MYH8: variants seen among roughly 807,000 people sequenced by gnomAD.
The protein encoded by MYH8 is myosin-8.
In MYH8, 168 loss-of-function variants were observed where a neutral mutation model predicts 233.2. The observed-to-expected ratio is 0.72, with a 90% CI of 0.64 to 0.82. The LOEUF is 0.82. Among genes scored for constraint, MYH8 ranks in the 40% least tolerant of loss-of-function variants. The pLI is 0.00. For missense variants in MYH8, 1,995 were observed against 2,327.8 expected, an observed-to-expected ratio of 0.86 and a Z score of 2.94; for synonymous variants, 785 against 850.6, an observed-to-expected ratio of 0.92 and a Z score of 1.34.
rs769755030 is a variant in MYH8, at chr17:10,412,626, C to A, written c.1250G>T (p.Gly417Val). Residue 417 changes from glycine (G) to valine (V), a missense_variant, in exon 13 of 40, where the codon GGC (glycine) becomes GTC (valine). Coordinates refer to ENST00000403437, the MANE Select transcript of MYH8 (RefSeq NM_002472.3). ...TGCACTTACCTGCTGCACAGTCTGG[C>A]CTTTGGTGACATACTCATTGCCAAC... ...VKVGNEYVTKGQTVQQVYNAV... is the reference protein window; with the variant it reads ...VKVGNEYVTKVQTVQQVYNAV... 2.5e-6 allele frequency: 4 copies of A among 1,614,214 alleles called. No homozygotes were observed. Among genetic ancestry groups the A allele is most frequent in the Admixed American group, 1.7e-5 (1 of 60,028 alleles).
chr17:10,402,629 A>ACG (rs1555556297), intron 22 of MYH8, among the ~76,000 whole-genome samples: 1 of 149,254 alleles, frequency 6.7e-6, no homozygotes, highest in African/African-American at 2.4e-5. Context: ...GCACATGTGC[A>ACG]CGCACACACA....
chr17:10,409,487 A>C lies in MYH8; in HGVS notation c.1689T>G (p.Ser563=), dbSNP rs761282653. 1.2e-6 allele frequency: 2 copies of C among 1,614,242 alleles called. No individual in the cohort carries two copies. The highest frequency in any genetic ancestry group is 1.1e-5 in the South Asian group (1 of 91,086). Residue 563 remains serine, a synonymous_variant, in exon 16 of 40, where the codon TCT becomes TCG. Transcript: ENST00000403437. ...CCACCTTGGGCTTCTGGAAGTTGGCAGACTTGCCCAGGTGCTGGTCATACA... is the reference window on the plus strand; with the variant it reads ...CCACCTTGGGCTTCTGGAAGTTGGCCGACTTGCCCAGGTGCTGGTCATACA... The part of the protein sequence containing the change: ...NKLYDQHLGK[S]ANFQKPKVVK...
rs368960642 is a variant in MYH8 at position 10,393,225 on chromosome 17, C to G, written c.5167-15G>C. On this transcript the variant is annotated splice_polypyrimidine_tract_variant and intron_variant, in intron 35 of 39. Coordinates refer to ENST00000403437, the MANE Select transcript of MYH8 (RefSeq NM_002472.3). ...AGACTGGTATTCTGTTAAAAGTAGT[C>G]GTGGAAATTTACAAAATTTGCAGTT... 1 of 1,614,034 alleles carries G rather than the reference C, an allele frequency of 6.2e-7. No individual in the cohort carries two copies. The highest frequency in any genetic ancestry group is 1.7e-5 in the Admixed American group (1 of 60,018).
chr17:10,413,760 G>A (rs2072265061), intron 12 of MYH8, 142 bp downstream of exon 12: 1 of 1,221,168 alleles, frequency 8.2e-7, no homozygotes, highest in Admixed American at 1.8e-5. Context: ...GAGAGGGGGT[G>A]AGGAAAGCAT....
intron 17 of MYH8, among the ~76,000 whole-genome samples, chr17:10,407,368 A>G (rs1454070755): frequency 6.6e-6 from 1 of 152,192 alleles, no homozygotes; most frequent in Non-Finnish European, 1.5e-5. Flanking sequence ...ATCTGAGAAT[A>G]GTTGAGATTG....
chr17:10,408,694 T>C (rs1341707949), intron 17 of MYH8, among the ~76,000 whole-genome samples: 1 of 152,186 alleles, frequency 6.6e-6, no homozygotes, highest in Non-Finnish European at 1.5e-5. Context: ...AAAGATATGT[T>C]TTGGTGAAAG....
At chr17:10,418,825 A>G in intron 4 of MYH8, 24 bp from the exon 5 acceptor site, 1 of 1,613,868 alleles carries the variant, frequency 6.2e-7, no homozygotes, top group Non-Finnish European at 8.5e-7. Flanking sequence ...AACATTTATC[A>G]TTTGGATCTC....
chr17:10,396,920 A>C lies in MYH8; in HGVS notation c.4245T>G (p.Ala1415=). The change falls in exon 31 of 40, where the codon GCT becomes GCG. Residue 1415 remains alanine, a synonymous_variant. Coordinates refer to ENST00000403437, the MANE Select transcript of MYH8 (RefSeq NM_002472.3). This position sits in a 1 kb window ranked among gnomAD's most constrained non-coding sequence, Gnocchi z 4.2. ...EHVEAVNAKC[A]SLEKTKQRLQ... is the part of the protein sequence containing the mutation. ...GCCGCTGCTTCGTCTTCTCAAGGGA[A>C]GCACATTTGGCGTTCACAGCTTCTA... The C allele has an allele frequency of 6.2e-7, 1 of 1,614,222 alleles. No individual in the cohort carries two copies. Among genetic ancestry groups the C allele is most frequent in the Non-Finnish European group, 8.5e-7 (1 of 1,180,052 alleles).
Position 10,401,173 on chromosome 17 carries a change from G to C in MYH8, c.3127C>G (p.Gln1043Glu). 6.2e-7 allele frequency: 1 copy of C among 1,613,520 alleles called. No individual in the cohort carries two copies. The highest frequency in any genetic ancestry group is 8.5e-7 in the Non-Finnish European group (1 of 1,179,924). ...QVDDLEGSLEQEKKLRMDLER... is the reference protein window; with the variant it reads ...QVDDLEGSLEEEKKLRMDLER... The stretch of plus-strand genomic sequence containing the variant: ...AGATCCATTCGAAGCTTCTTTTCTT[G>C]TTCCAGAGACCCTTCAAGCTAATAA... Residue 1043 changes from glutamine (Q) to glutamate (E), a missense_variant, in exon 25 of 40, where the codon CAA (glutamine) becomes GAA (glutamate). Gln to Glu is a conservative substitution (Grantham distance 29, BLOSUM62 2). Transcript: ENST00000403437.
rs761006523 is a variant in MYH8 at position 10,400,352 on chromosome 17, A to G, written c.3735+38T>C. The G allele has an allele frequency of 6.2e-7, 1 of 1,606,824 alleles. No homozygotes were observed. ...GTGATAGAGAATAATGGGTGTTCTT[A>G]CAGATGATTACCTTCATTTAGAGAC... On this transcript the variant is annotated intron_variant, in intron 27 of 39. Coordinates refer to ENST00000403437, the MANE Select transcript of MYH8 (RefSeq NM_002472.3). The surrounding 1 kb of genome is among the most constrained non-coding windows in gnomAD (Gnocchi z 4.0).
At chr17:10,409,189 A>G in intron 16 of MYH8, 25 bp from the exon 17 acceptor site, 1 of 1,614,126 alleles carries the variant, frequency 6.2e-7, no homozygotes, top group Non-Finnish European at 8.5e-7. Context: ...AAACCCGTGA[A>G]TAAGAATAGA....
In MYH8 at chr17:10,401,256, A is replaced by G. The variant is rs1235669025; in HGVS notation, c.3108+19T>C. ...ATTTTTAAAAAAATCTTTCAAAGGG[A>G]TATTTAAAATGTGCTTACATCATCC... On this transcript the variant is annotated intron_variant, in intron 24 of 39. Transcript: ENST00000403437. 6.2e-6 allele frequency: 10 copies of G among 1,614,064 alleles called. No individual in the cohort carries two copies. Among genetic ancestry groups the G allele is most frequent in the Non-Finnish European group, 8.5e-6 (10 of 1,179,976 alleles).
rs1343629871 is a variant in MYH8, at chr17:10,418,681, A to C, written c.475T>G (p.Ser159Ala). The change falls in exon 5 of 40, where the codon TCC becomes GCC. Residue 159 changes from serine (S) to alanine (A), a missense_variant. Physicochemically the swap from Ser to Ala is moderately conservative, Grantham distance 99. Coordinates refer to ENST00000403437, the MANE Select transcript of MYH8 (RefSeq NM_002472.3). ...KRQEAPPHIFSISDNAYQFML... is the reference protein window; with the variant it reads ...KRQEAPPHIFAISDNAYQFML... ...AACTGATAGGCATTGTCAGAGATGG[A>C]GAAGATGTGGGGCGGGGCCTCCTGG... The C allele has an allele frequency of 6.2e-7, 1 of 1,613,902 alleles. No homozygotes were observed. Among genetic ancestry groups the C allele is most frequent in the African/African-American group, 1.3e-5 (1 of 75,036 alleles).
Position 10,398,620 on chromosome 17 carries a change from G to A in MYH8, c.4002C>T (p.His1334=), listed in dbSNP as rs140081412. ...AGTCATGGCGGGAGGACTGCAGGGC[G>A]TGTGCCAGGGCGTTCTTGGCCTGCA... is the stretch of plus-strand genomic sequence containing the variant. ...EETKAKNALA[H]ALQSSRHDCD... is the part of the protein sequence containing the mutation. The change falls in exon 30 of 40, where the codon CAC becomes CAT. Residue 1334 remains histidine, a synonymous_variant. Transcript: ENST00000403437. 1.4e-5 allele frequency: 22 copies of A among 1,614,068 alleles called. No individual in the cohort carries two copies. The highest frequency in any genetic ancestry group is 1.6e-4 in the Middle Eastern group (1 of 6,084).
At chr17:10,421,426 G>C (rs1225543034) in intron 2 of MYH8, among the ~76,000 whole-genome samples, 1 of 152,166 alleles carries the variant, frequency 6.6e-6, no homozygotes, top group Non-Finnish European at 1.5e-5. Flanking sequence ...AGAACTCACT[G>C]TTGAAGCTAA....
chr17:10,401,841 GT>G lies in MYH8; in HGVS notation c.2689-57del, dbSNP rs372551096. On this transcript the variant is annotated intron_variant, in intron 22 of 39. Coordinates refer to ENST00000403437, the MANE Select transcript of MYH8 (RefSeq NM_002472.3). ...TCTGTTACTTATTTTGAAACTTGGTGTTTTTTTTGCGCAAAAATAATAGTGT... is the reference window on the plus strand; with the variant it reads ...TCTGTTACTTATTTTGAAACTTGGTGTTTTTTTGCGCAAAAATAATAGTGT... 6.3e-5 allele frequency: 102 copies of G among 1,607,970 alleles called. 1 individual carries two copies. The highest frequency in any genetic ancestry group is 1.7e-4 in the African/African-American group (13 of 74,532).
Position 10,409,258 on chromosome 17 carries a change from GA to G in MYH8, c.1897+20del, listed in dbSNP as rs754268655. On this transcript the variant is annotated intron_variant, in intron 16 of 39. Coordinates refer to ENST00000403437, the MANE Select transcript of MYH8 (RefSeq NM_002472.3). Reference sequence around the variant, plus strand: ...ATTATGTGAGAATGGATTTAATTTAGATTAAGGACACAGAAAGTACCTGCTT... The same window carrying G: ...ATTATGTGAGAATGGATTTAATTTAGTTAAGGACACAGAAAGTACCTGCTT... 2.5e-6 allele frequency: 4 copies of G among 1,613,938 alleles called. No individual in the cohort carries two copies. The Admixed American group carries it at 6.7e-5, about 27-fold the overall frequency.
rs973617442 is a variant in MYH8, at chr17:10,415,269, G to C, written c.741+23C>G. On this transcript the variant is annotated intron_variant, in intron 8 of 39. Transcript: ENST00000403437. The surrounding 1 kb of genome is among the most constrained non-coding windows in gnomAD (Gnocchi z 4.1). ...TCAGACGTGGCTACTCTGGAAGTTA[G>C]GGGTTGAGACCAAGAGACTCACAAA... 2.5e-6 allele frequency: 4 copies of C among 1,609,820 alleles called. No individual in the cohort carries two copies. The highest frequency in any genetic ancestry group is 3.4e-6 in the Non-Finnish European group (4 of 1,176,182).
chr17:10,412,781 C>A (rs2072256009), intron 12 of MYH8, 53 bp from the exon 13 acceptor site: 1 of 1,400,694 alleles, frequency 7.1e-7, no homozygotes, highest in Non-Finnish European at 1.0e-6. Context: ...TCCTCTTTTA[C>A]CTAATCTTTC....
Sources: gnomAD v4.1 joint callset for allele counts (sites outside exome capture counted in the v4.1 genomes callset) on GRCh38, gnomAD v4.1.1 for gene constraint, Gnocchi (gnomAD v3.1) non-coding constraint, MANE v1.5 for transcripts, NCBI Gene and HGNC (gene_info 2026-07-23, HGNC 2026-07-21) for gene names.